CFAP299: variants seen among roughly 807,000 people sequenced by gnomAD.
CFAP299 encodes cilia and flagella associated protein 299.
A neutral mutation model predicts 27.0 loss-of-function variants in CFAP299; 21 were observed. That is an observed-to-expected ratio of 0.78 (90% confidence interval 0.55 to 1.12). CFAP299 has a LOEUF of 1.12. Ranked by LOEUF, CFAP299 falls within the 50% of genes most tolerant of loss-of-function variation. The pLI is 0.00. For missense variants in CFAP299, 310 were observed against 276.6 expected, an observed-to-expected ratio of 1.12 and a Z score of -0.86; for synonymous variants, 104 against 98.1, an observed-to-expected ratio of 1.06 and a Z score of -0.36.
intron 3 of CFAP299, among the ~76,000 whole-genome samples, chr4:80,830,245 A>G (rs1281158693): frequency 6.6e-6 from 1 of 152,100 alleles, no homozygotes; most frequent in Non-Finnish European, 1.5e-5. Context: ...CCCATACCTC[A>G]GTATGAAATG....
intron 3 of CFAP299, among the ~76,000 whole-genome samples, chr4:80,795,277 A>G (rs1251309131): frequency 6.6e-6 from 1 of 152,140 alleles, no homozygotes; most frequent in Non-Finnish European, 1.5e-5. Flanking sequence ...CAGCCAAACC[A>G]TTGGCCACAG....
chr4:80,818,436 A>G (rs937420600), intron 3 of CFAP299, among the ~76,000 whole-genome samples: 8 of 152,046 alleles, frequency 5.3e-5, no homozygotes, highest in Non-Finnish European at 5.9e-5. Flanking sequence ...ATAATAGATT[A>G]TTTTATATGT....
chr4:80,466,423 A>G (rs531980147), intron 2 of CFAP299, among the ~76,000 whole-genome samples: 94 of 152,376 alleles, frequency 6.2e-4, no homozygotes, highest in Admixed American at 6.1e-3. Context: ...AGAAAGGAAG[A>G]GTTATGAAGG....
chr4:80,641,596 C>T (rs944855907), intron 3 of CFAP299, among the ~76,000 whole-genome samples: 5 of 152,164 alleles, frequency 3.3e-5, no homozygotes, highest in African/African-American at 9.7e-5. Flanking sequence ...ACAACTTTTA[C>T]AGTTAAGCAT....
chr4:80,440,900 C>T (rs541182236), intron 2 of CFAP299, among the ~76,000 whole-genome samples: 1 of 152,264 alleles, frequency 6.6e-6, no homozygotes, highest in Admixed American at 6.5e-5. Flanking sequence ...AGCATGAGAA[C>T]TTCATGAAGC....
chr4:80,899,307 C>A lies in CFAP299; in HGVS notation c.476+29172C>A, dbSNP rs75669695. ...GCTAGATATGAGAGGTCTGTAGATACAAGCCTGAAAGTATTCAACATAAAG... is the reference window on the plus strand; with the variant it reads ...GCTAGATATGAGAGGTCTGTAGATAAAAGCCTGAAAGTATTCAACATAAAG... On this transcript the variant is annotated intron_variant, in intron 4 of 5. Coordinates refer to ENST00000358105, the MANE Select transcript of CFAP299 (RefSeq NM_152770.3). Among the ~76,000 whole-genome samples, 1,334 of 152,252 alleles carry A rather than the reference C, an allele frequency of 8.8e-3. 15 individuals are homozygous for A. The highest frequency in any genetic ancestry group is 0.011 in the Non-Finnish European group (722 of 68,010).
chr4:80,867,222 T>A (rs924988564), intron 3 of CFAP299, among the ~76,000 whole-genome samples: 1 of 152,148 alleles, frequency 6.6e-6, no homozygotes, highest in African/African-American at 2.4e-5. Context: ...TGAAGCTCCA[T>A]CCCTAGTAAT....
intron 3 of CFAP299, among the ~76,000 whole-genome samples, chr4:80,733,801 TG>T (rs1200985777): frequency 6.6e-6 from 1 of 152,138 alleles, no homozygotes; most frequent in Non-Finnish European, 1.5e-5. Flanking sequence ...AGAATCTTAT[TG>T]TTTTTTATGA....
At chr4:80,904,589 G>T (rs1457512211) in intron 4 of CFAP299, among the ~76,000 whole-genome samples, 1 of 151,776 alleles carries the variant, frequency 6.6e-6, no homozygotes, top group African/African-American at 2.4e-5. Context: ...GGTAAGATCT[G>T]GAGGGACTGA....
intron 2 of CFAP299, among the ~76,000 whole-genome samples, chr4:80,445,117 G>A (rs574817920): frequency 1.4e-4 from 21 of 152,284 alleles, no homozygotes; most frequent in Middle Eastern, 6.8e-3. Context: ...ACAGTGTGGC[G>A]ATTCCTCAAG....
At chr4:80,506,474 C>G (rs564020069) in intron 2 of CFAP299, among the ~76,000 whole-genome samples, 1 of 152,028 alleles carries the variant, frequency 6.6e-6, no homozygotes, top group Admixed American at 6.6e-5. Context: ...CTAAGAAATG[C>G]TTTGAGTGAA....
At chr4:80,821,545 C>T (rs1203613292) in intron 3 of CFAP299, among the ~76,000 whole-genome samples, 2 of 152,098 alleles carry the variant, frequency 1.3e-5, no homozygotes, top group South Asian at 4.1e-4. Flanking sequence ...GCTGGGCCCC[C>T]CTTTGCAAAT....
intron 3 of CFAP299, among the ~76,000 whole-genome samples, chr4:80,750,658 C>T (rs1724881803): frequency 6.6e-6 from 1 of 152,182 alleles, no homozygotes; most frequent in Non-Finnish European, 1.5e-5. Context: ...ATGTTGAATG[C>T]TGCAGCCCAG....
At chr4:80,515,014 C>G (rs1732513087) in intron 2 of CFAP299, among the ~76,000 whole-genome samples, 1 of 152,014 alleles carries the variant, frequency 6.6e-6, no homozygotes. Flanking sequence ...AAACAAATTC[C>G]TGGCGATGCA....
At chr4:80,339,977 A>G (rs922409191) in intron 1 of CFAP299, among the ~76,000 whole-genome samples, 1 of 152,206 alleles carries the variant, frequency 6.6e-6, no homozygotes, top group Admixed American at 6.5e-5. Flanking sequence ...GATAAACAAC[A>G]TGGAGTTTCA....
intron 2 of CFAP299, among the ~76,000 whole-genome samples, chr4:80,407,136 G>T (rs150886158): frequency 1.3e-5 from 2 of 151,718 alleles, no homozygotes; most frequent in Non-Finnish European, 2.9e-5. Context: ...ACATTGTCAA[G>T]CAATGTCAAT....
intron 4 of CFAP299, among the ~76,000 whole-genome samples, chr4:80,884,983 C>G (rs1733904646): frequency 2.0e-5 from 3 of 152,200 alleles, no homozygotes; most frequent in Non-Finnish European, 4.4e-5. Context: ...GTCTTAATTG[C>G]CACCAGCATC....
chr4:80,586,934 A>C (rs1736478178), intron 3 of CFAP299, among the ~76,000 whole-genome samples: 1 of 150,586 alleles, frequency 6.6e-6, no homozygotes, highest in African/African-American at 2.5e-5. Context: ...CATTGCCTAC[A>C]GCTTTTCCTT....
chr4:80,757,169 C>T (rs1220928089), intron 3 of CFAP299, among the ~76,000 whole-genome samples: 1 of 151,714 alleles, frequency 6.6e-6, no homozygotes, highest in Non-Finnish European at 1.5e-5. Context: ...TTCTTTTGTT[C>T]TGGTAAGTCA....
Sources: gnomAD v4.1 joint callset for allele counts (sites outside exome capture counted in the v4.1 genomes callset) on GRCh38, gnomAD v4.1.1 for gene constraint, MANE v1.5 for transcripts, NCBI Gene and HGNC (gene_info 2026-07-23, HGNC 2026-07-21) for gene names.